SERPINA11: variants seen among roughly 807,000 people sequenced by gnomAD.
The protein encoded by SERPINA11 is serpin A11.
In SERPINA11, 28 loss-of-function variants were observed where a neutral mutation model predicts 29.4. That is an observed-to-expected ratio of 0.95 (90% CI 0.70 to 1.30). The LOEUF (loss-of-function observed/expected upper bound fraction) is 1.30, where lower values mean the gene tolerates loss of function less well. SERPINA11 is among the 50% of genes most tolerant of loss of function. The pLI is 0.00. For synonymous variants in SERPINA11, 253 were observed against 206.6 expected, an observed-to-expected ratio of 1.22 and a Z score of -1.92; for missense variants, 530 against 507.3, an observed-to-expected ratio of 1.04 and a Z score of -0.43.
chr14:94,446,563 G>C lies in SERPINA11; in HGVS notation c.685C>G (p.Gln229Glu). Reference sequence around the variant, plus strand: ...CTCTCATCCACAAAGAAACTTTCCTGCTTCTGGGTCTGGTAGCGACTGAAA... The same window carrying C: ...CTCTCATCCACAAAGAAACTTTCCTCCTTCTGGGTCTGGTAGCGACTGAAA... ...HPFSRYQTQK[Q>E]ESFFVDERTS... The change falls in exon 3 of 5, where the codon CAG (glutamine) becomes GAG (glutamate). Residue 229 changes from glutamine to glutamate, a missense_variant. Gln to Glu is a conservative substitution (Grantham distance 29). Transcript: ENST00000334708. The C allele has an allele frequency of 6.2e-7, 1 of 1,614,174 alleles. No individual in the cohort carries two copies. The highest frequency in any genetic ancestry group is 8.5e-7 in the Non-Finnish European group (1 of 1,180,022).
chr14:94,452,326 C>G (rs1292292971), intron 1 of SERPINA11, among the ~76,000 whole-genome samples: 1 of 152,162 alleles, frequency 6.6e-6, no homozygotes, highest in East Asian at 1.9e-4. Flanking sequence ...GAGCAAGACT[C>G]AGATTCCAGA....
chr14:94,452,189 G>A (rs1394094104), intron 1 of SERPINA11, among the ~76,000 whole-genome samples: 3 of 152,136 alleles, frequency 2.0e-5, no homozygotes. Context: ...TGCCCTTGTT[G>A]AGAAACACTT....
rs1185838080 is a variant in SERPINA11 at position 94,448,795 on chromosome 14, AAC to A, written c.-3-20_-3-19del. 1.3e-6 allele frequency: 2 copies of A among 1,502,160 alleles called. No homozygotes were observed. The highest frequency in any genetic ancestry group is 4.6e-5 in the East Asian group (2 of 43,828). The allele number at this position is 1,502,160 out of a possible 1,614,324, so 93.1% of individuals were successfully genotyped here. ...CCCATTCTCTGAAAACAAGAGGGTGAACATGTCACTTTTCTCCATAAATAATG... is the reference window on the plus strand; with the variant it reads ...CCCATTCTCTGAAAACAAGAGGGTGAATGTCACTTTTCTCCATAAATAATG... On this transcript the variant is annotated intron_variant, in intron 1 of 4. Transcript: ENST00000334708.
At chr14:94,447,984 T>A (rs2139777459) in intron 2 of SERPINA11, 148 bp downstream of exon 2, 1 of 767,588 alleles carries the variant, frequency 1.3e-6, no homozygotes, top group Admixed American at 2.4e-5. Flanking sequence ...CCAACCCACA[T>A]GGACTGTGGC....
At chr14:94,443,278 T>G (rs1308182124) in intron 3 of SERPINA11, 53 bp from the exon 4 acceptor site, 4 of 1,556,552 alleles carry the variant, frequency 2.6e-6, no homozygotes, top group Non-Finnish European at 3.5e-6. Flanking sequence ...TATGTGCCAC[T>G]CCTGCTCTGT....
Position 94,446,513 on chromosome 14 carries a change from C to A in SERPINA11, c.735G>T (p.Met245Ile). The stretch of plus-strand genomic sequence containing the variant: ...GGAATCTGTGCATTTCCTTTTGGTG[C>A]ATCATGGGGACCTGGAGAGAAGTCC... ...DERTSLQVPM[M>I]HQKEMHRFLY... Residue 245 changes from methionine (M) to isoleucine (I), a missense_variant, in exon 3 of 5, where the codon ATG (methionine) becomes ATT (isoleucine). Physicochemically the swap from Met to Ile is conservative, Grantham distance 10 (BLOSUM62 1). Coordinates refer to ENST00000334708, the MANE Select transcript of SERPINA11 (RefSeq NM_001080451.2). 6.2e-7 allele frequency: 1 copy of A among 1,614,194 alleles called. No individual in the cohort carries two copies. Among genetic ancestry groups the A allele is most frequent in the Non-Finnish European group, 8.5e-7 (1 of 1,180,026 alleles).
intron 3 of SERPINA11, among the ~76,000 whole-genome samples, chr14:94,444,770 A>T (rs932791940): frequency 6.6e-6 from 1 of 152,170 alleles, no homozygotes; most frequent in African/African-American, 2.4e-5. Context: ...ACTTTTGGAT[A>T]TGTGGGGTGG....
Position 94,448,607 on chromosome 14 carries a change from A to G in SERPINA11, c.168T>C (p.Asn56=). The G allele has an allele frequency of 6.2e-7, 1 of 1,613,528 alleles. No homozygotes were observed. Among genetic ancestry groups the G allele is most frequent in the South Asian group, 1.1e-5 (1 of 91,044 alleles). The stretch of plus-strand genomic sequence containing the variant: ...GCTCTTTATACAAACGCAAAGCAAA[A>G]TTGGTAATGGTGGGTGTGATTCTGT... ...AYHRITPTIT[N]FALRLYKELA... is the part of the protein sequence containing the mutation. Residue 56 remains asparagine, a synonymous_variant, in exon 2 of 5, where the codon AAT becomes AAC. Transcript: ENST00000334708.
intron 3 of SERPINA11, among the ~76,000 whole-genome samples, chr14:94,444,033 G>A (rs887245053): frequency 1.3e-5 from 2 of 152,324 alleles, no homozygotes; most frequent in East Asian, 1.9e-4. Flanking sequence ...TCAGGTTAGA[G>A]AATCGTGGCT....
At chr14:94,443,337 G>A in intron 3 of SERPINA11, 112 bp from the exon 4 acceptor site, 4 of 1,000,926 alleles carry the variant, frequency 4.0e-6, no homozygotes, top group Non-Finnish European at 4.4e-6. Context: ...AGCGTGAGAA[G>A]CAACCAGTCT....
In SERPINA11 at chr14:94,444,714, T is replaced by C. The variant is rs117371992; in HGVS notation, c.918-1489A>G. 4.8e-4 allele frequency among the ~76,000 whole-genome samples: 73 copies of C among 152,324 alleles called. 2 individuals carry two copies. The East Asian group carries it at 0.012, about 26-fold the overall frequency. ...ATCTCTGCCCAAACACAAAATGCCT[T>C]CTCTATCCCTGGTACCTCAGTGTGA... On this transcript the variant is annotated intron_variant, in intron 3 of 4. Coordinates refer to ENST00000334708, the MANE Select transcript of SERPINA11 (RefSeq NM_001080451.2).
chr14:94,447,897 T>C (rs1407457197), intron 2 of SERPINA11, among the ~76,000 whole-genome samples: 1 of 152,240 alleles, frequency 6.6e-6, no homozygotes, highest in Non-Finnish European at 1.5e-5. Context: ...GGGTGTCTCT[T>C]TTGGGAACTC....
chr14:94,451,105 C>G (rs899431532), intron 1 of SERPINA11, among the ~76,000 whole-genome samples: 1 of 152,192 alleles, frequency 6.6e-6, no homozygotes, highest in East Asian at 1.9e-4. Flanking sequence ...TTAACTGGCA[C>G]CTTTAATAAT....
chr14:94,443,282 G>A (rs1317879680), intron 3 of SERPINA11, 57 bp from the exon 4 acceptor site: 3 of 1,549,882 alleles, frequency 1.9e-6, no homozygotes, highest in Non-Finnish European at 2.6e-6. Context: ...TGCCACTCCT[G>A]CTCTGTCTGT....
intron 3 of SERPINA11, 28 bp downstream of exon 3, chr14:94,446,303 G>C (rs371851401): frequency 1.6e-5 from 25 of 1,598,546 alleles, no homozygotes; most frequent in Non-Finnish European, 2.1e-5. Flanking sequence ...AGCAAGGTCA[G>C]CCAGCATCCT....
chr14:94,442,809 C>T lies in SERPINA11; in HGVS notation c.1066G>A (p.Val356Met). 6.2e-7 allele frequency: 1 copy of T among 1,600,338 alleles called. No homozygotes were observed. The highest frequency in any genetic ancestry group is 8.5e-7 in the Non-Finnish European group (1 of 1,173,582). The change falls in exon 5 of 5, where the codon GTG becomes ATG. Residue 356 changes from valine to methionine, a missense_variant and splice_region_variant. By Grantham distance (21) the Val-to-Met change is conservative (BLOSUM62 1). Transcript: ENST00000334708. ...ATGTCCACCATCGCCTTGTGTGACA[C>T]CTAGAGGACAAGAGGAGATGAAGAC... Reference protein sequence around the residue: ...TGQLNKTISKVSHKAMVDMSE... With the variant: ...TGQLNKTISKMSHKAMVDMSE...
At chr14:94,443,248 A>C in intron 3 of SERPINA11, 23 bp from the exon 4 acceptor site, 1 of 1,605,918 alleles carries the variant, frequency 6.2e-7, no homozygotes, top group Non-Finnish European at 8.5e-7. Context: ...ACAGACAGAG[A>C]AATGGTGCTC....
intron 1 of SERPINA11, among the ~76,000 whole-genome samples, chr14:94,449,461 C>CTTTTT (rs1233589419): frequency 8.7e-6 from 1 of 114,324 alleles, no homozygotes; most frequent in African/African-American, 5.1e-5. Context: ...TTCTTTCTTT[C>CTTTTT]TTTCTTTCTT....
chr14:94,442,777 C>T lies in SERPINA11; in HGVS notation c.1098G>A (p.Glu366=), dbSNP rs1173716218. The change falls in exon 5 of 5, where the codon GAG becomes GAA. Residue 366 remains glutamate, a synonymous_variant. Coordinates refer to ENST00000334708, the MANE Select transcript of SERPINA11 (RefSeq NM_001080451.2). ...VSHKAMVDMS[E]KGTEAGAASG... Reference sequence around the variant, plus strand: ...AAGCAGCCCCGGCCTCGGTCCCCTTCTCACTCATGTCCACCATCGCCTTGT... The same window carrying T: ...AAGCAGCCCCGGCCTCGGTCCCCTTTTCACTCATGTCCACCATCGCCTTGT... 5.0e-6 allele frequency: 8 copies of T among 1,611,628 alleles called. No individual in the cohort carries two copies. Among genetic ancestry groups the T allele is most frequent in the Non-Finnish European group, 6.8e-6 (8 of 1,179,184 alleles).
Sources: gnomAD v4.1 joint callset for allele counts (sites outside exome capture counted in the v4.1 genomes callset) on GRCh38, gnomAD v4.1.1 for gene constraint, MANE v1.5 for transcripts, NCBI Gene and HGNC (gene_info 2026-07-23, HGNC 2026-07-21) for gene names.